IL6R: variants seen among roughly 807,000 people sequenced by gnomAD.
IL6R encodes interleukin-6 receptor subunit alpha.
A neutral mutation model predicts 48.3 loss-of-function variants in IL6R; 38 were observed. The ratio of observed to expected loss-of-function variants is 0.79; its 90% CI spans 0.61 to 1.03. The LOEUF (loss-of-function observed/expected upper bound fraction) is 1.03, where lower values mean the gene tolerates loss of function less well. IL6R is among the 50% of genes least tolerant of loss of function. IL6R has a pLI of 0.00. For missense variants in IL6R, 534 were observed against 618.3 expected, an observed-to-expected ratio of 0.86 and a Z score of 1.45; for synonymous variants, 264 against 256.2, an observed-to-expected ratio of 1.03 and a Z score of -0.29.
At chr1:154,415,156 CAG>C in intron 1 of IL6R, 2 of 821,002 alleles carry the variant, frequency 2.4e-6, no homozygotes, top group Non-Finnish European at 4.0e-6. Flanking sequence ...GCCTGCAGGA[CAG>C]GGCCCTAGGT....
rs1687682728 is a variant in IL6R, at chr1:154,405,899, C to G, written c.85+185C>G. ...GTCGCGGGTAGTGGCTCTTGCGCCC[C>G]CTGCTGCGCTTGCTCCCTTGGTCCG... On this transcript the variant is annotated intron_variant, in intron 1 of 9. Coordinates refer to ENST00000368485, the MANE Select transcript of IL6R (RefSeq NM_000565.4). This position sits in a 1 kb window ranked among gnomAD's most constrained non-coding sequence, Gnocchi z 5.2. Among the ~76,000 whole-genome samples, 1 of 152,122 alleles carries G rather than the reference C, an allele frequency of 6.6e-6. No homozygotes were observed. The highest frequency in any genetic ancestry group is 2.4e-5 in the African/African-American group (1 of 41,428).
At chr1:154,421,940 T>A (rs535078423) in intron 1 of IL6R, among the ~76,000 whole-genome samples, 6 of 148,934 alleles carry the variant, frequency 4.0e-5, no homozygotes, top group Non-Finnish European at 6.0e-5. Context: ...TCTTTTTTTT[T>A]TAATTATTAT....
chr1:154,416,224 G>A (rs1334076040), intron 1 of IL6R, among the ~76,000 whole-genome samples: 2 of 151,890 alleles, frequency 1.3e-5, no homozygotes, highest in South Asian at 2.1e-4. Context: ...TGAACTCCTG[G>A]ACTCACGCAA....
At chr1:154,432,672 T>A (rs1260680710) in intron 3 of IL6R, among the ~76,000 whole-genome samples, 1 of 152,240 alleles carries the variant, frequency 6.6e-6, no homozygotes, top group Admixed American at 6.5e-5. Context: ...TGGAATACTT[T>A]CCATGTTGAC....
intron 6 of IL6R, among the ~76,000 whole-genome samples, chr1:154,442,436 G>T (rs773194107): frequency 6.6e-6 from 1 of 152,160 alleles, no homozygotes; most frequent in Admixed American, 6.5e-5. Flanking sequence ...TGGTGAGGCC[G>T]ACACGTGTGT....
intron 6 of IL6R, among the ~76,000 whole-genome samples, chr1:154,447,638 AC>A (rs1422615589): frequency 6.6e-6 from 1 of 151,350 alleles, no homozygotes. Flanking sequence ...CATAATTTCT[AC>A]AGCTAGTCCC....
chr1:154,445,098 A>T, intron 6 of IL6R: 1 of 456,212 alleles, frequency 2.2e-6, no homozygotes, highest in Non-Finnish European at 4.4e-6. Context: ...GCTGGAGGTG[A>T]GTCATTTCTC....
intron 2 of IL6R, among the ~76,000 whole-genome samples, chr1:154,429,704 T>G (rs1689183850): frequency 6.6e-6 from 1 of 152,056 alleles, no homozygotes; most frequent in Non-Finnish European, 1.5e-5. Context: ...GGGCCCGGAG[T>G]CAGGCAGCCT....
At chr1:154,442,128 G>A (rs1223044269) in intron 6 of IL6R, among the ~76,000 whole-genome samples, 1 of 152,120 alleles carries the variant, frequency 6.6e-6, no homozygotes, top group Non-Finnish European at 1.5e-5. Flanking sequence ...AGTAGAGTGG[G>A]TGGTTTGAGA....
At chr1:154,424,768 C>T (rs993391381) in intron 1 of IL6R, among the ~76,000 whole-genome samples, 1 of 152,166 alleles carries the variant, frequency 6.6e-6, no homozygotes, top group African/African-American at 2.4e-5. Context: ...GTTCAACGCA[C>T]TGGACCGTGT....
intron 9 of IL6R, among the ~76,000 whole-genome samples, chr1:154,457,506 G>C (rs1431757523): frequency 2.6e-5 from 4 of 152,008 alleles, no homozygotes; most frequent in African/African-American, 9.7e-5. Flanking sequence ...CCATGGTTAG[G>C]AAATACTCAT....
chr1:154,448,295 A>G (rs2149261691), intron 7 of IL6R, 124 bp downstream of exon 7: 1 of 746,790 alleles, frequency 1.3e-6, no homozygotes, highest in East Asian at 2.5e-5. Context: ...GGTCGTGGTG[A>G]GTTACCTGTG....
At chr1:154,432,743 A>G (rs971308137) in intron 3 of IL6R, among the ~76,000 whole-genome samples, 1 of 152,150 alleles carries the variant, frequency 6.6e-6, no homozygotes, top group Non-Finnish European at 1.5e-5. Context: ...CTTTGCTTCC[A>G]TCTGCTTTGA....
rs968662480 is a variant in IL6R at position 154,467,167 on chromosome 1, C to A, written c.*1787C>A. 2.6e-5 allele frequency: 4 copies of A among 152,208 alleles called. No homozygotes were observed. Among genetic ancestry groups the A allele is most frequent in the Non-Finnish European group, 5.9e-5 (4 of 68,046 alleles). 9.4% of individuals were successfully genotyped at this position (152,208 alleles called of 1,614,324 possible). On this transcript the variant is annotated 3_prime_UTR_variant, in exon 10 of 10. Transcript: ENST00000368485. ...TTAAAAAAAATCCCTTACCTCGGTG[C>A]CTTCCTCTTTTTATTTAGTTCCTTG...
chr1:154,409,986 T>A (rs992522163), intron 1 of IL6R, among the ~76,000 whole-genome samples: 2 of 152,190 alleles, frequency 1.3e-5, no homozygotes, highest in Admixed American at 6.5e-5. Context: ...AGATTCCCTA[T>A]ATGTCCATCT....
chr1:154,412,679 G>T lies in IL6R; in HGVS notation c.85+6965G>T, dbSNP rs544911397. On this transcript the variant is annotated intron_variant, in intron 1 of 9. Coordinates refer to ENST00000368485, the MANE Select transcript of IL6R (RefSeq NM_000565.4). ...ATTAAAATCGCTTAACATTTTTTTT[G>T]AAAGATTAGGTATGTTCTGAAAATA... Among the ~76,000 whole-genome samples, 6 of 152,196 alleles carry T rather than the reference G, an allele frequency of 3.9e-5. No homozygotes were observed. The South Asian group carries it at 8.3e-4, about 21-fold the overall frequency.
intron 6 of IL6R, among the ~76,000 whole-genome samples, chr1:154,447,847 T>C (rs1018207513): frequency 6.6e-6 from 1 of 151,988 alleles, no homozygotes; most frequent in African/African-American, 2.4e-5. Context: ...CCCGAGTAGC[T>C]GGGATTACAG....
intron 1 of IL6R, among the ~76,000 whole-genome samples, chr1:154,418,659 G>A (rs1001922406): frequency 7.9e-5 from 12 of 152,188 alleles, no homozygotes; most frequent in African/African-American, 1.7e-4. Context: ...GACAGTGGCC[G>A]AGGGTGCCCT....
intron 8 of IL6R, among the ~76,000 whole-genome samples, chr1:154,450,620 A>G (rs1056219350): frequency 1.3e-5 from 2 of 152,212 alleles, no homozygotes; most frequent in Admixed American, 6.5e-5. Context: ...TGTTGAGGGA[A>G]ATCTTTATTT....
Sources: gnomAD v4.1 joint callset for allele counts (sites outside exome capture counted in the v4.1 genomes callset) on GRCh38, gnomAD v4.1.1 for gene constraint, Gnocchi (gnomAD v3.1) non-coding constraint, MANE v1.5 for transcripts, NCBI Gene and HGNC (gene_info 2026-07-23, HGNC 2026-07-21) for gene names.